RPL4: variants seen among roughly 807,000 people sequenced by gnomAD.
The protein encoded by RPL4 is large ribosomal subunit protein uL4.
Under a neutral mutation model 47.7 loss-of-function variants are expected in RPL4, and 3 were observed. That is an observed-to-expected ratio of 0.06 (90% CI 0.03 to 0.16). RPL4 has a LOEUF of 0.16. Ranked by LOEUF, RPL4 falls within the 10% of genes least tolerant of loss-of-function variation. RPL4 has a pLI of 1.00. For synonymous variants in RPL4, 208 were observed against 182.1 expected (o/e 1.14, Z -1.15); for missense variants, 413 against 551.3 (o/e 0.75, Z 2.51).
chr15:66,500,668 G>C, intron 7 of RPL4: 1 of 543,438 alleles, frequency 1.8e-6, no homozygotes, highest in Non-Finnish European at 3.2e-6. Flanking sequence ...TGTAGTCCCA[G>C]GTACTTGGGA....
chr15:66,503,794 T>C (rs527262943), intron 1 of RPL4, among the ~76,000 whole-genome samples: 151 of 152,292 alleles, frequency 9.9e-4, no homozygotes, highest in Middle Eastern at 3.4e-3. Context: ...CAAAACCATA[T>C]TGTAAGGTTT....
At position 66,498,350 on chromosome 15, in the gene RPL4, C is replaced by A. The variant is rs956181069; in HGVS notation, c.*1057G>T. On this transcript the variant is annotated 3_prime_UTR_variant, in exon 10 of 10. Transcript: ENST00000307961. ...TGGCCCTGGAAATGGGGAGGGTTAA[C>A]AGATCACCTTGGCTGTGAACTGAGA... 6.6e-6 allele frequency: 1 copy of A among 152,478 alleles called. No homozygotes were observed. The highest frequency in any genetic ancestry group is 2.4e-5 in the African/African-American group (1 of 41,436). 9.4% of individuals were successfully genotyped at this position (152,478 alleles called of 1,614,324 possible).
At position 66,499,097 on chromosome 15, in the gene RPL4, C is replaced by A; in HGVS notation, c.*310G>T. The A allele has an allele frequency of 3.9e-6, 1 of 256,964 alleles. No individual in the cohort carries two copies. The highest frequency in any genetic ancestry group is 7.5e-6 in the Non-Finnish European group (1 of 134,054). 15.9% of individuals were successfully genotyped at this position (256,964 alleles called of 1,614,324 possible). A position where few individuals can be genotyped will look rare whatever the true frequency, so the allele number is the denominator to read the frequency against. On this transcript the variant is annotated 3_prime_UTR_variant, in exon 10 of 10. Coordinates refer to ENST00000307961, the MANE Select transcript of RPL4 (RefSeq NM_000968.4). ...GGGAGCTAAACTTGAACAGCCTCTG[C>A]GTTTCTGACCAAGTCCTGTTACACC...
Position 66,500,071 on chromosome 15 carries a change from A to G in RPL4, c.1023T>C (p.Leu341=). 2 of 1,611,826 alleles carry G rather than the reference A, an allele frequency of 1.2e-6. No individual in the cohort carries two copies. The highest frequency in any genetic ancestry group is 1.7e-6 in the Non-Finnish European group (2 of 1,179,812). ...YAKTMRRNTI[L]RQARNHKLRV... is the part of the protein sequence containing the mutation. Reference sequence around the variant, plus strand: ...CTCCACTCACATTCCTGGCCTGGCGAAGAATGGTGTTCCGGCGCATGGTCT... The same window carrying G: ...CTCCACTCACATTCCTGGCCTGGCGGAGAATGGTGTTCCGGCGCATGGTCT... Residue 341 remains leucine (L), a synonymous_variant, in exon 9 of 10, where the codon CTT becomes CTC. Coordinates refer to ENST00000307961, the MANE Select transcript of RPL4 (RefSeq NM_000968.4).
In RPL4 at chr15:66,504,779, T is replaced by A; in HGVS notation, c.3+9A>T. ...CGGGGTAAGGCCAGCCAAGAGAACTTCCACTCACCATGGCGGAGAGAGGAG... is the reference window on the plus strand; with the variant it reads ...CGGGGTAAGGCCAGCCAAGAGAACTACCACTCACCATGGCGGAGAGAGGAG... On this transcript the variant is annotated intron_variant, in intron 1 of 9. Coordinates refer to ENST00000307961, the MANE Select transcript of RPL4 (RefSeq NM_000968.4). 4 of 1,612,082 alleles carry A rather than the reference T, an allele frequency of 2.5e-6. No homozygotes were observed. Among genetic ancestry groups the A allele is most frequent in the Non-Finnish European group, 2.5e-6 (3 of 1,179,376 alleles).
intron 3 of RPL4, 95 bp from the exon 4 acceptor site, chr15:66,502,845 C>A: frequency 6.3e-7 from 1 of 1,576,224 alleles, no homozygotes; most frequent in Non-Finnish European, 8.7e-7. Flanking sequence ...CCTTCTGTAC[C>A]AGCTTACTGA....
In RPL4 at chr15:66,498,987, T is replaced by C. The variant is rs1317418251; in HGVS notation, c.*420A>G. The stretch of plus-strand genomic sequence containing the variant: ...CAAGAGGTAATCAATTTTACTGCAG[T>C]ACCAAAAAAATTGTGCTCTCCAGTT... On this transcript the variant is annotated 3_prime_UTR_variant, in exon 10 of 10. Transcript: ENST00000307961. 5.9e-6 allele frequency: 1 copy of C among 169,138 alleles called. No homozygotes were observed. Among genetic ancestry groups the C allele is most frequent in the Non-Finnish European group, 1.3e-5 (1 of 78,252 alleles). 10.5% of individuals were successfully genotyped at this position (169,138 alleles called of 1,614,324 possible). A position where few individuals can be genotyped will look rare whatever the true frequency, so the allele number is the denominator to read the frequency against.
At chr15:66,500,847 C>T in intron 7 of RPL4, 102 bp downstream of exon 7, 1 of 1,400,280 alleles carries the variant, frequency 7.1e-7, no homozygotes, top group South Asian at 1.4e-5. Flanking sequence ...TGTTGCTGCA[C>T]ATAAGGGGAA....
intron 2 of RPL4, 24 bp downstream of exon 2, chr15:66,503,334 T>G (rs748780019): frequency 6.2e-7 from 1 of 1,611,802 alleles, no homozygotes; most frequent in Admixed American, 1.7e-5. Context: ...CCCTAAAATA[T>G]CTGCAGAAGA....
rs958719942 is a variant in RPL4, at chr15:66,499,307, A to G, written c.*100T>C. 2 of 1,431,606 alleles carry G rather than the reference A, an allele frequency of 1.4e-6. No individual in the cohort carries two copies. The highest frequency in any genetic ancestry group is 1.9e-6 in the Non-Finnish European group (2 of 1,061,390). The allele number at this position is 1,431,606 out of a possible 1,614,324, so 88.7% of individuals were successfully genotyped here. ...AAATTCTAACCAAGCTTTACAGAGC[A>G]CACCAAGTCATGTTTCTCACTGCCT... On this transcript the variant is annotated 3_prime_UTR_variant, in exon 10 of 10. Transcript: ENST00000307961.
At chr15:66,499,690 C>T (rs767281752) in intron 9 of RPL4, 38 bp from the exon 10 acceptor site, 1 of 1,610,610 alleles carries the variant, frequency 6.2e-7, no homozygotes, top group Non-Finnish European at 8.5e-7. Context: ...AGAATCAAAT[C>T]CCTGTAAGAA....
chr15:66,504,810 C>T lies in RPL4; in HGVS notation c.-20G>A. The T allele has an allele frequency of 2.5e-6, 4 of 1,611,312 alleles. No homozygotes were observed. Among genetic ancestry groups the T allele is most frequent in the Non-Finnish European group, 3.4e-6 (4 of 1,179,260 alleles). On this transcript the variant is annotated 5_prime_UTR_variant, in exon 1 of 10. Coordinates refer to ENST00000307961, the MANE Select transcript of RPL4 (RefSeq NM_000968.4). ...CACCATGGCGGAGAGAGGAGACAGC[C>T]ACGCTCCTCTCAGCCCGGCTGCTGC...
chr15:66,502,126 C>A, intron 4 of RPL4: 1 of 715,250 alleles, frequency 1.4e-6, no homozygotes, highest in Non-Finnish European at 2.5e-6. Context: ...ACGCAACAGG[C>A]AAGTTTAAGT....
At chr15:66,502,465 A>G (rs1244703830) in intron 4 of RPL4, 147 bp downstream of exon 4, 12 of 849,776 alleles carry the variant, frequency 1.4e-5, no homozygotes, top group African/African-American at 3.4e-5. Context: ...AATATCCATG[A>G]ACTAAAATAT....
chr15:66,501,503 A>C lies in RPL4; in HGVS notation c.548T>G (p.Val183Gly). Residue 183 changes from valine (V) to glycine (G), a missense_variant and splice_region_variant, in exon 6 of 10, where the codon GTC (valine) becomes GGC (glycine). Val to Gly is a moderately radical substitution (Grantham distance 109). Coordinates refer to ENST00000307961, the MANE Select transcript of RPL4 (RefSeq NM_000968.4). ...KLKAWNDIKK[V>G]YASQRMRAGK... ...AGCTCTCATTCGCTGAGAGGCATAG[A>C]CCTACAAAGTGAGCAGTTTTAGTAT... The C allele has an allele frequency of 6.2e-7, 1 of 1,614,108 alleles. No individual in the cohort carries two copies. The highest frequency in any genetic ancestry group is 8.5e-7 in the Non-Finnish European group (1 of 1,180,024).
chr15:66,498,500 G>A lies in RPL4; in HGVS notation c.*907C>T, dbSNP rs1317324175. The A allele has an allele frequency of 2.6e-5, 4 of 151,936 alleles. No homozygotes were observed. Among genetic ancestry groups the A allele is most frequent in the African/African-American group, 9.7e-5 (4 of 41,362 alleles). The allele number at this position is 151,936 out of a possible 1,614,324, so 9.4% of individuals were successfully genotyped here. On this transcript the variant is annotated 3_prime_UTR_variant, in exon 10 of 10. Transcript: ENST00000307961. ...TAATATTTGCAGTTTAGCTTTATGG[G>A]TAAAAAAAAACACCCTTATATCTGG...
Position 66,498,173 on chromosome 15 carries a change from A to G in RPL4, c.*1234T>C, listed in dbSNP as rs1893514150. ...GCACATGTGTTTGAAGGCAGGCACC[A>G]AATCAGTAGCACATGAACTCTACTG... On this transcript the variant is annotated 3_prime_UTR_variant, in exon 10 of 10. Transcript: ENST00000307961. The G allele has an allele frequency of 2.1e-5, 4 of 187,664 alleles. No individual in the cohort carries two copies. The highest frequency in any genetic ancestry group is 1.1e-4 in the Admixed American group (2 of 18,190). 11.6% of individuals were successfully genotyped at this position (187,664 alleles called of 1,614,324 possible).
At chr15:66,501,959 AG>A (rs1893625675) in intron 4 of RPL4, 47 bp from the exon 5 acceptor site, 2 of 1,577,554 alleles carry the variant, frequency 1.3e-6, no homozygotes, top group Non-Finnish European at 1.7e-6. Context: ...AAACTTTTGG[AG>A]AAAAAAAAAA....
Position 66,499,336 on chromosome 15 carries a change from T to A in RPL4, c.*71A>T, listed in dbSNP as rs1436773850. On this transcript the variant is annotated 3_prime_UTR_variant, in exon 10 of 10. Coordinates refer to ENST00000307961, the MANE Select transcript of RPL4 (RefSeq NM_000968.4). ...CAAGTCATGTTTCTCACTGCCTGTA[T>A]AATCAGGTCTTTATTCAAAAGAAGC... 1.3e-6 allele frequency: 2 copies of A among 1,522,502 alleles called. No individual in the cohort carries two copies. The highest frequency in any genetic ancestry group is 1.4e-5 in the African/African-American group (1 of 71,548). The allele number at this position is 1,522,502 out of a possible 1,614,324, so 94.3% of individuals were successfully genotyped here. A position where few individuals can be genotyped will look rare whatever the true frequency, so the allele number is the denominator to read the frequency against.
Sources: gnomAD v4.1 joint callset for allele counts (sites outside exome capture counted in the v4.1 genomes callset) on GRCh38, gnomAD v4.1.1 for gene constraint, MANE v1.5 for transcripts, NCBI Gene and HGNC (gene_info 2026-07-23, HGNC 2026-07-21) for gene names.